The following LIPC variants were observed in gnomAD, a reference collection of about 807,000 sequenced individuals.
LIPC encodes the protein lipase C, hepatic type.
Under a neutral mutation model 50.7 loss-of-function variants are expected in LIPC, and 44 were observed. The observed-to-expected ratio is 0.87, with a 90% CI of 0.68 to 1.11. LIPC has a LOEUF of 1.11. LIPC is among the 50% of genes most tolerant of loss of function. The pLI is 0.00. For synonymous variants in LIPC, 271 were observed against 256.4 expected, an observed-to-expected ratio of 1.06 and a Z score of -0.54; for missense variants, 697 against 648.2, an observed-to-expected ratio of 1.08 and a Z score of -0.82.
chr15:58,562,200 C>T (rs950963352), intron 7 of LIPC, among the ~76,000 whole-genome samples: 1 of 152,194 alleles, frequency 6.6e-6, no homozygotes, highest in Non-Finnish European at 1.5e-5. Context: ...AGGACATCCA[C>T]CCAAGCCCGA....
At chr15:58,489,090 G>A (rs1403186881) in intron 1 of LIPC, among the ~76,000 whole-genome samples, 1 of 151,924 alleles carries the variant, frequency 6.6e-6, no homozygotes, top group Non-Finnish European at 1.5e-5. Flanking sequence ...ATACTGAGCT[G>A]ACCTTACAGA....
In LIPC at chr15:58,432,194, G is replaced by C. The variant is rs550891944; in HGVS notation, c.88+74G>C. ...AAACGTGTGTCACAAAGAATCCAGG[G>C]GTTTCTGACTGTATGGGACAGAGCT... On this transcript the variant is annotated intron_variant, in intron 1 of 8. Coordinates refer to ENST00000299022, the MANE Select transcript of LIPC (RefSeq NM_000236.3). 16 of 1,132,666 alleles carry C rather than the reference G, an allele frequency of 1.4e-5. No homozygotes were observed. The African/African-American group carries it at 2.3e-4, about 16-fold the overall frequency. The allele number at this position is 1,132,666 out of a possible 1,614,324, so 70.2% of individuals were successfully genotyped here.
At chr15:58,539,535 T>C (rs1374948023) in intron 2 of LIPC, among the ~76,000 whole-genome samples, 1 of 152,130 alleles carries the variant, frequency 6.6e-6, no homozygotes, top group Non-Finnish European at 1.5e-5. Flanking sequence ...AGCCCACCCA[T>C]GATTTCAAGC....
chr15:58,453,917 G>T (rs1370827034), intron 1 of LIPC, among the ~76,000 whole-genome samples: 5 of 152,026 alleles, frequency 3.3e-5, no homozygotes, highest in African/African-American at 1.2e-4. Flanking sequence ...ATAGAATGTG[G>T]GTTCCTTAGC....
chr15:58,508,811 G>T (rs1314843750), intron 1 of LIPC, among the ~76,000 whole-genome samples: 1 of 151,506 alleles, frequency 6.6e-6, no homozygotes, highest in Non-Finnish European at 1.5e-5. Flanking sequence ...CCTGACCTTG[G>T]TGAAAGGGCT....
chr15:58,456,071 A>G (rs998213521), intron 1 of LIPC: 4 of 152,246 alleles, frequency 2.6e-5, no homozygotes, highest in Admixed American at 2.6e-4. Context: ...GCCGTAAAGC[A>G]TGGTAGGACT....
intron 4 of LIPC, 36 bp from the exon 5 acceptor site, chr15:58,545,706 G>T: frequency 6.4e-7 from 1 of 1,564,062 alleles, no homozygotes; most frequent in Non-Finnish European, 8.8e-7. Context: ...CCCTCTCCTT[G>T]CTCCTGCGTA....
At chr15:58,528,493 A>T (rs1439210085) in intron 1 of LIPC, among the ~76,000 whole-genome samples, 1 of 152,188 alleles carries the variant, frequency 6.6e-6, no homozygotes, top group Non-Finnish European at 1.5e-5. Flanking sequence ...AAGCCAGGCA[A>T]TCTGGCTCCA....
intron 2 of LIPC, 112 bp from the exon 3 acceptor site, chr15:58,541,673 G>C (rs1893328607): frequency 1.8e-6 from 2 of 1,117,642 alleles, no homozygotes; most frequent in Non-Finnish European, 2.6e-6. Flanking sequence ...GTGCATGGCT[G>C]AGAAACGTCA....
intron 1 of LIPC, among the ~76,000 whole-genome samples, chr15:58,453,525 T>C (rs868785338): frequency 4.6e-5 from 7 of 151,918 alleles, no homozygotes; most frequent in African/African-American, 1.5e-4. Flanking sequence ...GGGAAGGTGG[T>C]GATGGGAATA....
chr15:58,454,189 T>G (rs564666137), intron 1 of LIPC: 1 of 152,370 alleles, frequency 6.6e-6, no homozygotes, highest in South Asian at 2.1e-4. Context: ...CTTCCAGCTC[T>G]GGGTGAACTT....
chr15:58,480,710 A>AT (rs1891157427), intron 1 of LIPC, among the ~76,000 whole-genome samples: 1 of 152,126 alleles, frequency 6.6e-6, no homozygotes, highest in South Asian at 2.1e-4. Context: ...ACGTTATGAG[A>AT]TTTTTTCATG....
rs770613137 is a variant in LIPC at position 58,563,565 on chromosome 15, C to T, written c.1230C>T (p.Ile410=). The T allele has an allele frequency of 1.5e-5, 25 of 1,614,032 alleles. No individual in the cohort carries two copies. In the East Asian group the frequency reaches 3.8e-4, roughly 24 times the overall value. ...YSFLITLDVD[I]GELIMIKFKW... is the part of the protein sequence containing the mutation. ...TTCTTATCACGCTGGATGTGGATAT[C>T]GGCGAGCTGATCATGATCAAGTTCA... Residue 410 remains isoleucine (I), a synonymous_variant, in exon 8 of 9, where the codon ATC becomes ATT. Transcript: ENST00000299022.
In LIPC at chr15:58,560,858, C is replaced by A. The variant is rs771057223; in HGVS notation, c.1052-6C>A. 3 of 958,816 alleles carry A rather than the reference C, an allele frequency of 3.1e-6. No homozygotes were observed. Among genetic ancestry groups the A allele is most frequent in the South Asian group, 2.6e-5 (2 of 77,758 alleles). 59.4% of individuals were successfully genotyped at this position (958,816 alleles called of 1,614,324 possible). On this transcript the variant is annotated splice_polypyrimidine_tract_variant and splice_region_variant and intron_variant, in intron 6 of 8. Coordinates refer to ENST00000299022, the MANE Select transcript of LIPC (RefSeq NM_000236.3). ...TCTCTCTTTCTCTCTCTGTCTCTCT[C>A]TCTAGTTTATCATTACCAGTTCAAG...
intron 1 of LIPC, among the ~76,000 whole-genome samples, chr15:58,489,622 C>CTT (rs1891513322): frequency 6.6e-6 from 1 of 152,288 alleles, no homozygotes; most frequent in African/African-American, 2.4e-5. Context: ...AAAGATCCAT[C>CTT]TTAGGCTCTA....
At chr15:58,513,682 A>G (rs934776219) in intron 1 of LIPC, among the ~76,000 whole-genome samples, 2 of 152,144 alleles carry the variant, frequency 1.3e-5, no homozygotes, top group Non-Finnish European at 2.9e-5. Flanking sequence ...CCCTCAAATA[A>G]AAGGATAAGG....
chr15:58,568,302 T>G (rs1160763716), intron 8 of LIPC, among the ~76,000 whole-genome samples: 1 of 152,146 alleles, frequency 6.6e-6, no homozygotes, highest in African/African-American at 2.4e-5. Context: ...AACTGGAGCT[T>G]GTCCAAGGAG....
intron 5 of LIPC, among the ~76,000 whole-genome samples, chr15:58,547,304 C>G (rs1188553944): frequency 6.6e-6 from 1 of 152,126 alleles, no homozygotes; most frequent in Non-Finnish European, 1.5e-5. Flanking sequence ...GGTGGATGAG[C>G]TTGGGTGAGT....
intron 6 of LIPC, among the ~76,000 whole-genome samples, chr15:58,559,078 G>T (rs1450616626): frequency 6.6e-6 from 1 of 152,216 alleles, no homozygotes; most frequent in Non-Finnish European, 1.5e-5. Flanking sequence ...TGGGCTTGCT[G>T]TATAGCTACC....
Sources: allele counts gnomAD v4.1 joint callset (sites outside exome capture counted in the v4.1 genomes callset), GRCh38; gene constraint gnomAD v4.1.1; transcripts MANE v1.5; gene names NCBI Gene and HGNC (gene_info 2026-07-23, HGNC 2026-07-21).